The following CNBD1 variants were observed in gnomAD, a reference collection of about 807,000 sequenced individuals.
CNBD1 encodes cyclic nucleotide binding domain containing 1, also known as cyclic nucleotide-binding domain-containing protein 1.
In CNBD1, 71 loss-of-function variants were observed where a neutral mutation model predicts 54.4. The observed-to-expected ratio is 1.30, with a 90% CI of 1.08 to 1.59. The LOEUF (loss-of-function observed/expected upper bound fraction) is 1.59. CNBD1 is among the 40% of genes most tolerant of loss of function. CNBD1 has a pLI of 0.00. For synonymous variants in CNBD1, 182 were observed against 170.7 expected (o/e 1.07, Z -0.51); for missense variants, 659 against 518.0 (o/e 1.27, Z -2.64).
At chr8:86,890,106 A>T (rs1281294987) in intron 2 of CNBD1, among the ~76,000 whole-genome samples, 1 of 152,100 alleles carries the variant, frequency 6.6e-6, no homozygotes, top group Non-Finnish European at 1.5e-5. Flanking sequence ...GTGATGAGAC[A>T]TTTGAAATTT....
intron 4 of CNBD1, among the ~76,000 whole-genome samples, chr8:86,983,526 A>G (rs1228742871): frequency 1.3e-5 from 2 of 152,184 alleles, no homozygotes; most frequent in Non-Finnish European, 2.9e-5. Context: ...AAAGTTTGGA[A>G]CTTCCTAAAG....
At chr8:87,221,098 G>A (rs921724670) in intron 5 of CNBD1, among the ~76,000 whole-genome samples, 26 of 151,956 alleles carry the variant, frequency 1.7e-4, no homozygotes, top group African/African-American at 6.0e-4. Flanking sequence ...AAACTCCAGT[G>A]TTCTCTCTTG....
intron 6 of CNBD1, among the ~76,000 whole-genome samples, chr8:87,280,683 T>C (rs1808583823): frequency 6.6e-6 from 1 of 151,622 alleles, no homozygotes; most frequent in Non-Finnish European, 1.5e-5. Context: ...GGAAATTGTA[T>C]TTTTATAAAA....
chr8:87,380,407 T>G (rs184029158), intron 10 of CNBD1, among the ~76,000 whole-genome samples: 8 of 152,130 alleles, frequency 5.3e-5, no homozygotes, highest in Admixed American at 4.6e-4. Context: ...CCATACTGTT[T>G]TGATTACTGT....
chr8:87,049,016 C>T (rs1425669086), intron 4 of CNBD1, among the ~76,000 whole-genome samples: 3 of 152,186 alleles, frequency 2.0e-5, no homozygotes, highest in African/African-American at 7.2e-5. Context: ...TGAGTGTAAC[C>T]ATCCCGAGGG....
At chr8:87,000,060 A>G (rs963348090) in intron 4 of CNBD1, among the ~76,000 whole-genome samples, 2 of 152,116 alleles carry the variant, frequency 1.3e-5, no homozygotes, top group Non-Finnish European at 2.9e-5. Context: ...TTGGTTTTCC[A>G]TAAGTAAAGT....
chr8:87,351,674 C>A lies in CNBD1; in HGVS notation c.1043-11C>A. 1.3e-6 allele frequency: 2 copies of A among 1,483,578 alleles called. No homozygotes were observed. The highest frequency in any genetic ancestry group is 1.4e-5 in the South Asian group (1 of 72,014). The allele number at this position is 1,483,578 out of a possible 1,614,324, so 91.9% of individuals were successfully genotyped here. A position where few individuals can be genotyped will look rare whatever the true frequency, so the allele number is the denominator to read the frequency against. On this transcript the variant is annotated splice_polypyrimidine_tract_variant and intron_variant, in intron 8 of 10. Coordinates refer to ENST00000518476, the MANE Select transcript of CNBD1 (RefSeq NM_173538.3). ...AGAATGTGTGAAATGAACTATCTCTCTTCTTTTCAGTGATAGTGGAAAGTG... is the reference window on the plus strand; with the variant it reads ...AGAATGTGTGAAATGAACTATCTCTATTCTTTTCAGTGATAGTGGAAAGTG...
intron 8 of CNBD1, among the ~76,000 whole-genome samples, chr8:87,299,000 A>C (rs1420605624): frequency 6.6e-6 from 1 of 152,206 alleles, no homozygotes; most frequent in South Asian, 2.1e-4. Context: ...CTTTTGGTAA[A>C]TGTCATGTTT....
At chr8:86,897,558 C>A (rs1231145612) in intron 2 of CNBD1, among the ~76,000 whole-genome samples, 1 of 152,038 alleles carries the variant, frequency 6.6e-6, no homozygotes, top group Non-Finnish European at 1.5e-5. Context: ...GTGGGTCTAC[C>A]CAAGAATGCA....
intron 4 of CNBD1, among the ~76,000 whole-genome samples, chr8:87,106,776 T>G (rs1024278759): frequency 3.3e-5 from 5 of 152,180 alleles, no homozygotes; most frequent in South Asian, 2.1e-4. Context: ...AAACACATAC[T>G]TTTAATGTAG....
intron 1 of CNBD1, among the ~76,000 whole-genome samples, chr8:86,882,649 C>A (rs1442406213): frequency 6.6e-6 from 1 of 152,058 alleles, no homozygotes; most frequent in Non-Finnish European, 1.5e-5. Flanking sequence ...TACCACTGAA[C>A]CTAGCAATCC....
At chr8:87,414,794 T>C (rs1807809650) in intron 2 of CNBD1, among the ~76,000 whole-genome samples, 2 of 152,086 alleles carry the variant, frequency 1.3e-5, no homozygotes, top group Non-Finnish European at 1.5e-5. Flanking sequence ...AAAAGGATTT[T>C]TTTTACAATT....
At chr8:87,165,296 T>G (rs187353614) in intron 4 of CNBD1, among the ~76,000 whole-genome samples, 14 of 152,116 alleles carry the variant, frequency 9.2e-5, no homozygotes, top group African/African-American at 2.6e-4. Flanking sequence ...TGTTCAAATC[T>G]GCTGTTTCTT....
chr8:86,944,390 C>T (rs1807416205), intron 4 of CNBD1, among the ~76,000 whole-genome samples: 2 of 152,076 alleles, frequency 1.3e-5, no homozygotes, highest in Non-Finnish European at 2.9e-5. Flanking sequence ...CATATGTATT[C>T]TGTCAGTTAG....
intron 4 of CNBD1, among the ~76,000 whole-genome samples, chr8:87,059,751 A>C (rs1035107656): frequency 6.6e-6 from 1 of 152,250 alleles, no homozygotes; most frequent in Admixed American, 6.5e-5. Flanking sequence ...GGGAACTATA[A>C]TTCAAAATTA....
chr8:87,293,864 A>T (rs74328218), intron 8 of CNBD1, among the ~76,000 whole-genome samples: 1 of 152,172 alleles, frequency 6.6e-6, no homozygotes, highest in Non-Finnish European at 1.5e-5. Context: ...AAGCCAATAT[A>T]TGGTTTTCAG....
chr8:87,064,459 G>T (rs1810609069), intron 4 of CNBD1, among the ~76,000 whole-genome samples: 1 of 151,902 alleles, frequency 6.6e-6, no homozygotes. Context: ...AAGGGGCTTA[G>T]AACACATTAA....
chr8:87,309,875 T>C (rs895844894), intron 8 of CNBD1, among the ~76,000 whole-genome samples: 2 of 152,016 alleles, frequency 1.3e-5, no homozygotes, highest in African/African-American at 4.8e-5. Flanking sequence ...GGTGTCCAAA[T>C]AGGAAAAGAA....
At chr8:86,869,822 A>T (rs2453437) in intron 1 of CNBD1, among the ~76,000 whole-genome samples, 3 of 151,794 alleles carry the variant, frequency 2.0e-5, no homozygotes, top group Admixed American at 2.0e-4. Context: ...TCCTGAAGAG[A>T]TAGAAAAAAA....
Sources: allele counts gnomAD v4.1 joint callset (sites outside exome capture counted in the v4.1 genomes callset), GRCh38; gene constraint gnomAD v4.1.1; transcripts MANE v1.5; gene names NCBI Gene and HGNC (gene_info 2026-07-23, HGNC 2026-07-21).